Variants in MGMT observed in about 807,000 individuals in gnomAD.
The protein encoded by MGMT is methylated-DNA--protein-cysteine methyltransferase.
In MGMT, 14 loss-of-function variants were observed where a neutral mutation model predicts 15.9. The observed-to-expected ratio is 0.88, with a 90% CI of 0.58 to 1.37. MGMT has a LOEUF of 1.37. Ranked by LOEUF, MGMT falls within the 40% of genes most tolerant of loss-of-function variation. MGMT has a pLI of 0.00. For missense variants in MGMT, 282 were observed against 268.1 expected (o/e 1.05, Z -0.36); for synonymous variants, 130 against 118.2 (o/e 1.10, Z -0.65).
At position 129,719,757 on chromosome 10, in the gene MGMT, C is replaced by A. The variant is rs1564773316; in HGVS notation, c.274+11714C>A. On this transcript the variant is annotated intron_variant, in intron 3 of 4. Coordinates refer to ENST00000651593, the MANE Select transcript of MGMT (RefSeq NM_002412.5). ...GAAATGCCGAGGGTCAGGGCTGCAA[C>A]ATACGAATTTTGGCAGAACATAGTT... 2.0e-5 allele frequency among the ~76,000 whole-genome samples: 3 copies of A among 152,302 alleles called. No individual in the cohort carries two copies. In the East Asian group the frequency reaches 5.8e-4, roughly 29 times the overall value.
At chr10:129,756,352 A>G (rs190276095) in intron 3 of MGMT, among the ~76,000 whole-genome samples, 31 of 152,316 alleles carry the variant, frequency 2.0e-4, no homozygotes, top group African/African-American at 7.5e-4. Context: ...GTGGAGGGGT[A>G]AGAGAGGAAC....
chr10:129,591,557 G>A (rs1314662741), intron 2 of MGMT, among the ~76,000 whole-genome samples: 2 of 152,174 alleles, frequency 1.3e-5, no homozygotes, highest in Admixed American at 6.5e-5. Flanking sequence ...CTAGATCCAG[G>A]CCAGGCCCCA....
chr10:129,680,104 C>T (rs896096773), intron 2 of MGMT, among the ~76,000 whole-genome samples: 1 of 152,222 alleles, frequency 6.6e-6, no homozygotes, highest in East Asian at 1.9e-4. Flanking sequence ...CCCATACATT[C>T]CTCTCGTTCA....
At chr10:129,676,898 T>TG (rs1437805974) in intron 2 of MGMT, among the ~76,000 whole-genome samples, 1 of 152,102 alleles carries the variant, frequency 6.6e-6, no homozygotes, top group Non-Finnish European at 1.5e-5. Flanking sequence ...ATTTTTCTTT[T>TG]GGAAAAAAAA....
intron 3 of MGMT, among the ~76,000 whole-genome samples, chr10:129,741,626 C>G (rs1848634633): frequency 6.6e-6 from 1 of 152,190 alleles, no homozygotes; most frequent in African/African-American, 2.4e-5. Flanking sequence ...TTCTTCCCAG[C>G]TTACCATTAC....
rs1845427790 is a variant in MGMT at position 129,487,978 on chromosome 10, T to TATACAC, written c.-13+20684_-13+20689dup. The stretch of plus-strand genomic sequence containing the variant: ...AAACACACATAGGTGTATACGCAGG[T>TATACAC]ATACACACACACACACACATAGGTA... On this transcript the variant is annotated intron_variant, in intron 1 of 4. Transcript: ENST00000651593. 7.4e-4 allele frequency among the ~76,000 whole-genome samples: 9 copies of TATACAC among 12,230 alleles called. 1 individual carries two copies. The South Asian group carries it at 0.048, about 65-fold the overall frequency. The allele number at this position is 12,230 out of a possible 152,430, so 8.0% of individuals were successfully genotyped here.
At chr10:129,729,629 G>A (rs1333104101) in intron 3 of MGMT, among the ~76,000 whole-genome samples, 1 of 152,232 alleles carries the variant, frequency 6.6e-6, no homozygotes, top group Non-Finnish European at 1.5e-5. Context: ...TTTCTCTGCA[G>A]AGAAATTAAA....
At chr10:129,764,392 ACC>A (rs1848909614) in intron 4 of MGMT, among the ~76,000 whole-genome samples, 1 of 152,218 alleles carries the variant, frequency 6.6e-6, no homozygotes, top group African/African-American at 2.4e-5. Context: ...AGAGGGCCAC[ACC>A]CACCAGGTGA....
chr10:129,675,800 G>A (rs891982818), intron 2 of MGMT, among the ~76,000 whole-genome samples: 3 of 152,210 alleles, frequency 2.0e-5, no homozygotes, highest in Admixed American at 6.5e-5. Flanking sequence ...GGAGCAGGCC[G>A]TGGTGACAGA....
At chr10:129,740,882 C>G (rs575160340) in intron 3 of MGMT, among the ~76,000 whole-genome samples, 4 of 152,346 alleles carry the variant, frequency 2.6e-5, no homozygotes, top group Non-Finnish European at 4.4e-5. Flanking sequence ...AGTCTTGGCA[C>G]TTACTGTGAT....
chr10:129,726,518 C>T (rs1311772271), intron 3 of MGMT, among the ~76,000 whole-genome samples: 1 of 152,192 alleles, frequency 6.6e-6, no homozygotes, highest in East Asian at 1.9e-4. Context: ...TTGTCTGATT[C>T]TTCACCAGAA....
intron 3 of MGMT, among the ~76,000 whole-genome samples, chr10:129,708,793 ATATCC>A (rs1848197871): frequency 6.6e-6 from 1 of 152,242 alleles, no homozygotes; most frequent in Admixed American, 6.5e-5. Context: ...GTACACTTAT[ATATCC>A]TTAAAGGGAA....
intron 2 of MGMT, among the ~76,000 whole-genome samples, chr10:129,572,689 G>A (rs1170884262): frequency 6.6e-6 from 1 of 151,820 alleles, no homozygotes; most frequent in Non-Finnish European, 1.5e-5. Flanking sequence ...TTAAGTTGTG[G>A]TCATACGGAA....
rs189321520 is a variant in MGMT at position 129,489,644 on chromosome 10, C to T, written c.-13+22348C>T. Among the ~76,000 whole-genome samples, 26 of 152,230 alleles carry T rather than the reference C, an allele frequency of 1.7e-4. 1 individual carries two copies. In the East Asian group the frequency reaches 4.1e-3, roughly 24 times the overall value. On this transcript the variant is annotated intron_variant, in intron 1 of 4. Coordinates refer to ENST00000651593, the MANE Select transcript of MGMT (RefSeq NM_002412.5). ...TCTCTCTTGGATTTCCTTAATGTCT[C>T]TCACATTTTAATAAGTTTTTTCATA...
intron 2 of MGMT, among the ~76,000 whole-genome samples, chr10:129,684,004 C>T (rs925811153): frequency 4.6e-5 from 7 of 152,236 alleles, no homozygotes; most frequent in African/African-American, 1.7e-4. Context: ...ACTCATCCCA[C>T]AGCCCAGACA....
chr10:129,541,987 G>A (rs1432192563), intron 2 of MGMT, among the ~76,000 whole-genome samples: 2 of 152,170 alleles, frequency 1.3e-5, no homozygotes, highest in Non-Finnish European at 2.9e-5. Context: ...CACCAGCTAG[G>A]CTGGCCTGAC....
chr10:129,524,888 C>A (rs1409122501), intron 1 of MGMT, among the ~76,000 whole-genome samples: 1 of 152,102 alleles, frequency 6.6e-6, no homozygotes, highest in African/African-American at 2.4e-5. Context: ...CCGCACCCGG[C>A]CCCAGAAAGA....
At chr10:129,525,711 G>A (rs562684364) in intron 1 of MGMT, among the ~76,000 whole-genome samples, 7 of 152,284 alleles carry the variant, frequency 4.6e-5, no homozygotes, top group South Asian at 2.1e-4. Context: ...CCTAAGCCAA[G>A]ACATGAGCAG....
intron 2 of MGMT, among the ~76,000 whole-genome samples, chr10:129,550,225 C>T (rs1366520006): frequency 6.6e-6 from 1 of 152,088 alleles, no homozygotes; most frequent in Non-Finnish European, 1.5e-5. Context: ...TGTTCCGCAG[C>T]CATCACCGCC....
Sources: gnomAD v4.1 joint callset for allele counts (sites outside exome capture counted in the v4.1 genomes callset) on GRCh38, gnomAD v4.1.1 for gene constraint, MANE v1.5 for transcripts, NCBI Gene and HGNC (gene_info 2026-07-23, HGNC 2026-07-21) for gene names.